The following HGS variants were observed in gnomAD, a reference collection of about 807,000 sequenced individuals.
The protein encoded by HGS is human growth factor-regulated tyrosine kinase substrate.
A neutral mutation model predicts 109.7 loss-of-function variants in HGS; 63 were observed. That is an observed-to-expected ratio of 0.57 (90% CI 0.47 to 0.71). HGS has a LOEUF of 0.71. Ranked by LOEUF, HGS falls within the 30% of genes least tolerant of loss-of-function variation. The pLI, the probability that HGS is intolerant of heterozygous loss-of-function variation, is 0.00. For synonymous variants in HGS, 546 were observed against 437.3 expected, an observed-to-expected ratio of 1.25 and a Z score of -3.10; for missense variants, 995 against 1,068.3, an observed-to-expected ratio of 0.93 and a Z score of 0.96.
chr17:81,701,213 A>T lies in HGS; in HGVS notation c.2223+82A>T. On this transcript the variant is annotated intron_variant, in intron 21 of 21. Coordinates refer to ENST00000329138, the MANE Select transcript of HGS (RefSeq NM_004712.5). Reference sequence around the variant, plus strand: ...GTTTAGCAATGGGACCCCTGGCCCCAGTGGGGATTGTCCCGTACGTCTGCT... The same window carrying T: ...GTTTAGCAATGGGACCCCTGGCCCCTGTGGGGATTGTCCCGTACGTCTGCT... 2.4e-6 allele frequency: 3 copies of T among 1,272,762 alleles called. No homozygotes were observed. The South Asian group carries it at 3.6e-5, about 15-fold the overall frequency. The allele number at this position is 1,272,762 out of a possible 1,614,324, so 78.8% of individuals were successfully genotyped here.
rs1426087059 is a variant in HGS, at chr17:81,696,144, G to A, written c.1393+145G>A. ...CTTCCTCCAGAGAGTGTCAACAGGA[G>A]GTGGTCTCAGTGATGACCATGCCCT... On this transcript the variant is annotated intron_variant, in intron 15 of 21. Coordinates refer to ENST00000329138, the MANE Select transcript of HGS (RefSeq NM_004712.5). 8.7e-6 allele frequency: 8 copies of A among 918,524 alleles called. No individual in the cohort carries two copies. In the Admixed American group the frequency reaches 1.2e-4, roughly 13 times the overall value. 56.9% of individuals were successfully genotyped at this position (918,524 alleles called of 1,614,324 possible).
chr17:81,690,382 CG>C (rs1598745532), intron 6 of HGS, 148 bp downstream of exon 6: 2 of 836,054 alleles, frequency 2.4e-6, no homozygotes, highest in Non-Finnish European at 3.9e-6. Context: ...TGGGCGGAGG[CG>C]TAGCAGCTGT....
intron 14 of HGS, 71 bp from the exon 15 acceptor site, chr17:81,695,715 C>T: frequency 7.1e-7 from 1 of 1,412,440 alleles, no homozygotes; most frequent in South Asian, 1.2e-5. Flanking sequence ...TGGGTGCCTC[C>T]ATCCCAGGCC....
chr17:81,684,340 A>G, intron 1 of HGS: 2 of 362,950 alleles, frequency 5.5e-6, no homozygotes, highest in Non-Finnish European at 9.8e-6. Flanking sequence ...GCAGGGCGCC[A>G]GGGGCGCTCG....
In HGS at chr17:81,696,928, G is replaced by A. The variant is rs747528627; in HGVS notation, c.1812G>A (p.Met604Ile). The change falls in exon 18 of 22, where the codon ATG becomes ATA. Residue 604 changes from methionine (M) to isoleucine (I), a missense_variant. Around this residue, in one of 6 missense-constraint regions of HGS, gnomAD observed 326 missense variants for 309.7 expected, o/e 1.05. Transcript: ENST00000329138. ...SPAGSVEGSP[M>I]HGVYMSQPAP... ...CCGGCTCGGTGGAGGGCTCCCCAAT[G>A]CACGGCGTGTACATGAGCCAGCCGG... is the stretch of plus-strand genomic sequence containing the variant. 1.2e-6 allele frequency: 2 copies of A among 1,607,514 alleles called. No individual in the cohort carries two copies. The highest frequency in any genetic ancestry group is 1.7e-6 in the Non-Finnish European group (2 of 1,179,782).
At chr17:81,690,954 A>C (rs1156398735) in intron 7 of HGS, 2 of 533,704 alleles carry the variant, frequency 3.7e-6, no homozygotes, top group Non-Finnish European at 6.6e-6. Flanking sequence ...GCCCAGCCTC[A>C]CTCTGGAATT....
rs376365948 is a variant in HGS at position 81,700,612 on chromosome 17, G to A, written c.2016+12G>A. The A allele has an allele frequency of 2.5e-4, 394 of 1,597,408 alleles. 1 individual carries two copies. The highest frequency in any genetic ancestry group is 3.2e-4 in the Non-Finnish European group (375 of 1,170,572). The stretch of plus-strand genomic sequence containing the variant: ...CAGCGGGCTACCAGGTACACAGGAA[G>A]GCCGCTCCTCTCCTTCCAGGGCCAG... On this transcript the variant is annotated intron_variant, in intron 19 of 21. Transcript: ENST00000329138.
intron 21 of HGS, 149 bp from the exon 22 acceptor site, chr17:81,701,359 C>G (rs1568220910): frequency 8.5e-6 from 8 of 946,726 alleles, no homozygotes; most frequent in Admixed American, 2.5e-5. Context: ...ACTTGAAAGG[C>G]AAAGGCCGCA....
rs766038236 is a variant in HGS at position 81,693,520 on chromosome 17, C to T, written c.680C>T (p.Ala227Val). The T allele has an allele frequency of 3.7e-6, 6 of 1,612,964 alleles. No homozygotes were observed. In the African/African-American group the frequency reaches 4.0e-5, roughly 11 times the overall value. ...GCCCACAGGAAAGCGGAGGGAAAGG[C>T]CACTTCCACCACTGAGCTGCCCCCC... ...EQLNRKAEGK[A>V]TSTTELPPEY... Residue 227 changes from alanine (A) to valine (V), a missense_variant, in exon 9 of 22, where the codon GCC becomes GTC. Ala to Val is a moderately conservative substitution (Grantham distance 64). Around this residue, in one of 6 missense-constraint regions of HGS, gnomAD observed 182 missense variants for 261.3 expected, o/e 0.70. Coordinates refer to ENST00000329138, the MANE Select transcript of HGS (RefSeq NM_004712.5).
rs1005457335 is a variant in HGS at position 81,690,195 on chromosome 17, A to G, written c.429A>G (p.Pro143=). The change falls in exon 6 of 22, where the codon CCA becomes CCG. Residue 143 remains proline, a synonymous_variant. Coordinates refer to ENST00000329138, the MANE Select transcript of HGS (RefSeq NM_004712.5). ...TCATCTCTCCAGGGCACGTCTTTCC[A>G]GAATTCAAAGAGAGCGATGCCATGT... ...QIMKVEGHVF[P]EFKESDAMFA... 2.5e-6 allele frequency: 4 copies of G among 1,613,720 alleles called. No individual in the cohort carries two copies. Among genetic ancestry groups the G allele is most frequent in the African/African-American group, 2.7e-5 (2 of 74,920 alleles).
rs935757840 is a variant in HGS, at chr17:81,696,676, C to T, written c.1636C>T (p.Arg546Trp). 4 of 1,611,462 alleles carry T rather than the reference C, an allele frequency of 2.5e-6. No homozygotes were observed. The highest frequency in any genetic ancestry group is 1.3e-5 in the African/African-American group (1 of 75,064). The change falls in exon 17 of 22, where the codon CGG (arginine) becomes TGG (tryptophan). Residue 546 changes from arginine (R) to tryptophan (W), a missense_variant. By Grantham distance (101) the Arg-to-Trp change is moderately radical. Around this residue, in one of 6 missense-constraint regions of HGS, gnomAD observed 163 missense variants for 217.8 expected, o/e 0.75. Coordinates refer to ENST00000329138, the MANE Select transcript of HGS (RefSeq NM_004712.5). Reference protein sequence around the residue: ...LQEQEKERQMRLEQQKQTVQM... With the variant: ...LQEQEKERQMWLEQQKQTVQM... ...GGAGCAGGAGAAGGAGCGGCAGATG[C>T]GGCTGGAGCAGCAGAAGCAGACGGT...
chr17:81,688,659 G>A (rs370688379), intron 4 of HGS, 45 bp from the exon 5 acceptor site: 41 of 1,608,754 alleles, frequency 2.5e-5, no homozygotes, highest in Middle Eastern at 1.6e-4. Flanking sequence ...GGCCTCTGGC[G>A]CCTGGAGTGT....
Position 81,691,755 on chromosome 17 carries a change from A to AG in HGS, c.662+186dup. ...CTCGGACCCTGCCCCACACTAGGGCAGGTGGGTGTGAGAGACAGGGCGCCG... is the reference window on the plus strand; with the variant it reads ...CTCGGACCCTGCCCCACACTAGGGCAGGGTGGGTGTGAGAGACAGGGCGCCG... On this transcript the variant is annotated intron_variant, in intron 8 of 21. Coordinates refer to ENST00000329138, the MANE Select transcript of HGS (RefSeq NM_004712.5). The surrounding 1 kb of genome is among the most constrained non-coding windows in gnomAD (Gnocchi z 5.3). 1.5e-6 allele frequency: 1 copy of AG among 672,768 alleles called. No homozygotes were observed. The highest frequency in any genetic ancestry group is 1.9e-5 in the South Asian group (1 of 51,302). The allele number at this position is 672,768 out of a possible 1,614,324, so 41.7% of individuals were successfully genotyped here.
intron 1 of HGS, chr17:81,684,973 C>G (rs1004325411): frequency 1.0e-6 from 1 of 985,356 alleles, no homozygotes; most frequent in Non-Finnish European, 1.2e-6. Flanking sequence ...CTTGTTAGAT[C>G]GTTTCTGTAT....
At chr17:81,701,158 G>A (rs748640297) in intron 21 of HGS, 27 bp downstream of exon 21, 8 of 1,585,770 alleles carry the variant, frequency 5.0e-6, no homozygotes, top group East Asian at 2.2e-5. Context: ...GCCTCACAGC[G>A]GCACCCGCAG....
chr17:81,690,140 G>A (rs1443301715), intron 5 of HGS, 42 bp from the exon 6 acceptor site: 8 of 1,600,238 alleles, frequency 5.0e-6, no homozygotes, highest in Non-Finnish European at 6.8e-6. Context: ...AGTCTTGCAG[G>A]CCAGGTGGGA....
intron 2 of HGS, among the ~76,000 whole-genome samples, chr17:81,686,073 G>A (rs1475143242): frequency 3.3e-5 from 5 of 152,066 alleles, no homozygotes; most frequent in African/African-American, 1.2e-4. Flanking sequence ...TGGGACTACA[G>A]GCATTCACCA....
rs1598749138 is a variant in HGS, at chr17:81,696,394, C to T, written c.1431C>T (p.Ile477=). 6.3e-7 allele frequency: 1 copy of T among 1,587,506 alleles called. No homozygotes were observed. The highest frequency in any genetic ancestry group is 1.3e-5 in the African/African-American group (1 of 74,582). Reference sequence around the variant, plus strand: ...GGCTGCAGGACAAGCTGGCACAGATCCGCGATGCCCGGGGGGCGCTGAGTG... The same window carrying T: ...GGCTGCAGGACAAGCTGGCACAGATTCGCGATGCCCGGGGGGCGCTGAGTG... ...YEGLQDKLAQ[I]RDARGALSAL... is the part of the protein sequence containing the mutation. The change falls in exon 16 of 22, where the codon ATC becomes ATT. Residue 477 remains isoleucine (I), a synonymous_variant. Coordinates refer to ENST00000329138, the MANE Select transcript of HGS (RefSeq NM_004712.5).
chr17:81,700,433 G>C, intron 18 of HGS, 34 bp from the exon 19 acceptor site: 1 of 1,513,836 alleles, frequency 6.6e-7, no homozygotes, highest in Non-Finnish European at 8.8e-7. Context: ...CTGTTGCCCT[G>C]GCTGAACCAT....
Sources: gnomAD v4.1 joint callset for allele counts (sites outside exome capture counted in the v4.1 genomes callset) on GRCh38, gnomAD v4.1.1 for gene constraint, gnomAD v4.1.1 regional missense constraint, Gnocchi (gnomAD v3.1) non-coding constraint, MANE v1.5 for transcripts, NCBI Gene and HGNC (gene_info 2026-07-23, HGNC 2026-07-21) for gene names.